Variants in ABHD10 observed in about 807,000 individuals in gnomAD.
The protein encoded by ABHD10 is abhydrolase domain containing 10, depalmitoylase, also known as palmitoyl-protein thioesterase ABHD10, mitochondrial.
ABHD10 carries 22 observed loss-of-function variants against 33.1 expected under a neutral mutation model. That is an observed-to-expected ratio of 0.66 (90% confidence interval 0.47 to 0.95). ABHD10 has a LOEUF of 0.95. Among genes scored for constraint, ABHD10 ranks in the 40% least tolerant of loss-of-function variants. ABHD10 has a pLI of 0.00. For missense variants in ABHD10, 352 were observed against 379.9 expected, an observed-to-expected ratio of 0.93 and a Z score of 0.61; for synonymous variants, 146 against 133.9, an observed-to-expected ratio of 1.09 and a Z score of -0.62.
intron 1 of ABHD10, among the ~76,000 whole-genome samples, chr3:111,979,791 AT>A (rs141020394): frequency 0.21 from 31,539 of 152,100 alleles, 3,376 homozygotes; most frequent in Middle Eastern, 0.28. Flanking sequence ...AGATCCTTTT[AT>A]TTTTTTGGCT....
rs773990031 is a variant in ABHD10, at chr3:111,979,053, A to G, written c.-9A>G. 5.0e-6 allele frequency: 8 copies of G among 1,612,338 alleles called. No individual in the cohort carries two copies. Among genetic ancestry groups the G allele is most frequent in the South Asian group, 3.3e-5 (3 of 90,908 alleles). On this transcript the variant is annotated 5_prime_UTR_variant, in exon 1 of 5. Coordinates refer to ENST00000273359, the MANE Select transcript of ABHD10 (RefSeq NM_018394.4). Reference sequence around the variant, plus strand: ...TGGGACACTGCAGGGTGCGGGGACAACTACGAAGATGGCGGTTGCGCGCTT... The same window carrying G: ...TGGGACACTGCAGGGTGCGGGGACAGCTACGAAGATGGCGGTTGCGCGCTT...
intron 3 of ABHD10, 47 bp from the exon 4 acceptor site, chr3:111,986,867 C>G: frequency 1.4e-6 from 2 of 1,430,320 alleles, no homozygotes. Flanking sequence ...ATGTTTATAA[C>G]CTGTTCTATC....
chr3:111,982,056 C>T, intron 2 of ABHD10, 89 bp downstream of exon 2: 1 of 1,029,454 alleles, frequency 9.7e-7, no homozygotes, highest in South Asian at 3.9e-5. Flanking sequence ...AAGTAAATGC[C>T]AGCATTTTTA....
intron 3 of ABHD10, 53 bp downstream of exon 3, chr3:111,986,428 GTTTGT>G (rs60295420): frequency 2.2e-5 from 22 of 1,018,930 alleles, no homozygotes; most frequent in Admixed American, 7.9e-5. Flanking sequence ...TATTTAAGCT[GTTTGT>G]TTTGTTTTGT....
chr3:111,979,502 T>TA (rs2072551658), intron 1 of ABHD10, among the ~76,000 whole-genome samples: 1 of 152,238 alleles, frequency 6.6e-6, no homozygotes, highest in Non-Finnish European at 1.5e-5. Flanking sequence ...TAGAAAAAAT[T>TA]AAAATGTGCA....
intron 1 of ABHD10, among the ~76,000 whole-genome samples, chr3:111,979,413 G>C (rs976190415): frequency 6.6e-6 from 1 of 152,334 alleles, no homozygotes; most frequent in South Asian, 2.1e-4. Flanking sequence ...GGCACCCCGG[G>C]CCCTCGCTGG....
At chr3:111,988,283 C>T (rs2072696058) in intron 4 of ABHD10, among the ~76,000 whole-genome samples, 1 of 152,012 alleles carries the variant, frequency 6.6e-6, no homozygotes, top group African/African-American at 2.4e-5. Flanking sequence ...TATTTCCTAT[C>T]AGAGCTGAAA....
chr3:111,990,544 A>C (rs911276739), intron 4 of ABHD10, among the ~76,000 whole-genome samples: 1 of 151,896 alleles, frequency 6.6e-6, no homozygotes. Flanking sequence ...AATTAAGATA[A>C]ATTATATAAA....
Position 111,991,650 on chromosome 3 carries a change from A to G in ABHD10, c.850A>G (p.Lys284Glu), listed in dbSNP as rs754475396. 1.2e-6 allele frequency: 2 copies of G among 1,614,116 alleles called. No homozygotes were observed. Among genetic ancestry groups the G allele is most frequent in the South Asian group, 1.1e-5 (1 of 91,060 alleles). ...RKHSDHRMREKADIQLLVYTI... is the reference protein window; with the variant it reads ...RKHSDHRMREEADIQLLVYTI... The stretch of plus-strand genomic sequence containing the variant: ...ACACAGTGATCACCGAATGAGGGAA[A>G]AAGCAGACATTCAACTTCTTGTTTA... Residue 284 changes from lysine (K) to glutamate (E), a missense_variant, in exon 5 of 5, where the codon AAA becomes GAA. Lys to Glu is a moderately conservative substitution (Grantham distance 56). Coordinates refer to ENST00000273359, the MANE Select transcript of ABHD10 (RefSeq NM_018394.4).
rs371914649 is a variant in ABHD10 at position 111,979,093 on chromosome 3, C to A, written c.32C>A (p.Ala11Asp). The A allele has an allele frequency of 1.2e-5, 19 of 1,613,284 alleles. No homozygotes were observed. The African/African-American group carries it at 2.3e-4, about 19-fold the overall frequency. The stretch of plus-strand genomic sequence containing the variant: ...GTTGCGCGCTTGGCAGCTGTGGCGG[C>A]CTGGGTACCTTGTCGGAGCTGGGGC... Reference protein sequence around the residue: MAVARLAAVAAWVPCRSWGWA... With the variant: MAVARLAAVADWVPCRSWGWA... The change falls in exon 1 of 5, where the codon GCC (alanine) becomes GAC (aspartate). Residue 11 changes from alanine to aspartate, a missense_variant. Physicochemically the swap from Ala to Asp is moderately radical, Grantham distance 126 (BLOSUM62 -2). Transcript: ENST00000273359.
intron 2 of ABHD10, among the ~76,000 whole-genome samples, chr3:111,983,176 A>G (rs1228951488): frequency 6.6e-6 from 1 of 152,182 alleles, no homozygotes; most frequent in Non-Finnish European, 1.5e-5. Flanking sequence ...AGTATACTTA[A>G]TTGCATAAAG....
At chr3:111,979,480 A>G (rs982635875) in intron 1 of ABHD10, among the ~76,000 whole-genome samples, 1 of 152,246 alleles carries the variant, frequency 6.6e-6, no homozygotes, top group African/African-American at 2.4e-5. Context: ...CCCCTGCATT[A>G]AAGGCCAACA....
At chr3:111,984,691 G>C (rs2072631675) in intron 2 of ABHD10, among the ~76,000 whole-genome samples, 1 of 152,120 alleles carries the variant, frequency 6.6e-6, no homozygotes, top group Admixed American at 6.5e-5. Flanking sequence ...TATATCACAG[G>C]GAGCACTGAA....
chr3:111,990,648 G>A, intron 4 of ABHD10: 1 of 813,516 alleles, frequency 1.2e-6, no homozygotes, highest in Non-Finnish European at 1.8e-6. Flanking sequence ...GGAAGTATGT[G>A]GAAGACTTCT....
chr3:111,986,956 G>T lies in ABHD10; in HGVS notation c.481G>T (p.Ala161Ser). 1 of 1,612,272 alleles carries T rather than the reference G, an allele frequency of 6.2e-7. No individual in the cohort carries two copies. Among genetic ancestry groups the T allele is most frequent in the Non-Finnish European group, 8.5e-7 (1 of 1,179,630 alleles). ...CCTTGGAGGGTGGCTTATGCTTCAT[G>T]CTGCAATTGCACGACCAGAGAAGGT... ...SSLGGWLMLH[A>S]AIARPEKVVA... The change falls in exon 4 of 5, where the codon GCT (alanine) becomes TCT (serine). Residue 161 changes from alanine to serine, a missense_variant. Coordinates refer to ENST00000273359, the MANE Select transcript of ABHD10 (RefSeq NM_018394.4).
rs17429033 is a variant in ABHD10, at chr3:111,991,551, A to G, written c.751A>G (p.Ile251Val). 0.062 allele frequency: 100,630 copies of G among 1,614,064 alleles called. 3,598 individuals are homozygous for G. The highest frequency in any genetic ancestry group is 0.073 in the Non-Finnish European group (86,289 of 1,179,956). Residue 251 changes from isoleucine (I) to valine (V), a missense_variant, in exon 5 of 5, where the codon ATT (isoleucine) becomes GTT (valine). Coordinates refer to ENST00000273359, the MANE Select transcript of ABHD10 (RefSeq NM_018394.4). ...ATTGCTCCATGGCATGAAGGATGAC[A>G]TTGTACCTTGGCATACATCAATGCA... Reference protein sequence around the residue: ...IRLLHGMKDDIVPWHTSMQVA... With the variant: ...IRLLHGMKDDVVPWHTSMQVA...
intron 4 of ABHD10, among the ~76,000 whole-genome samples, chr3:111,989,016 G>C (rs1179329182): frequency 6.6e-6 from 1 of 152,156 alleles, no homozygotes; most frequent in Non-Finnish European, 1.5e-5. Flanking sequence ...ACTCAGATAA[G>C]CAGTTGTTAA....
At chr3:111,984,144 G>A (rs3804764) in intron 2 of ABHD10, among the ~76,000 whole-genome samples, 31,444 of 151,986 alleles carry the variant, frequency 0.21, 3,357 homozygotes, top group Middle Eastern at 0.28. Flanking sequence ...ATTAGTTGGT[G>A]TCTTTCCCCC....
chr3:111,986,891 GTTTTA>G lies in ABHD10; in HGVS notation c.439-8_439-4del, dbSNP rs746121382. 3 of 1,559,886 alleles carry G rather than the reference GTTTTA, an allele frequency of 1.9e-6. No individual in the cohort carries two copies. Among genetic ancestry groups the G allele is most frequent in the African/African-American group, 2.8e-5 (2 of 72,134 alleles). On this transcript the variant is annotated intron_variant, in intron 3 of 4. Transcript: ENST00000273359. ...ACCTGTTCTATCTTAAAGACCTAAT[GTTTTA>G]TTTTATTTTATTTTTAGATTCTTGT...
Sources: allele counts gnomAD v4.1 joint callset (sites outside exome capture counted in the v4.1 genomes callset), GRCh38; gene constraint gnomAD v4.1.1; transcripts MANE v1.5; gene names NCBI Gene and HGNC (gene_info 2026-07-23, HGNC 2026-07-21).